The following CDKAL1 variants were observed in gnomAD, a reference collection of about 807,000 sequenced individuals.
CDKAL1 encodes CDKAL1 threonylcarbamoyladenosine tRNA methylthiotransferase.
Under a neutral mutation model 68.2 loss-of-function variants are expected in CDKAL1, and 32 were observed. That is an observed-to-expected ratio of 0.47 (90% CI 0.35 to 0.63). CDKAL1 has a LOEUF of 0.63. Among genes scored for constraint, CDKAL1 ranks in the 30% least tolerant of loss-of-function variants. The pLI, the probability that CDKAL1 is intolerant of heterozygous loss-of-function variation, is 0.00. For missense variants in CDKAL1, 606 were observed against 696.7 expected (o/e 0.87, Z 1.47); for synonymous variants, 234 against 244.3 (o/e 0.96, Z 0.39).
intron 4 of CDKAL1, among the ~76,000 whole-genome samples, chr6:20,592,255 A>C (rs6936705): frequency 0.82 from 124,185 of 152,132 alleles, 51,126 homozygotes; most frequent in African/African-American, 0.93. Context: ...TGCTTATCAG[A>C]TTAAGAAGTT....
intron 10 of CDKAL1, among the ~76,000 whole-genome samples, chr6:20,965,552 T>G (rs932874845): frequency 6.6e-6 from 1 of 152,226 alleles, no homozygotes; most frequent in Non-Finnish European, 1.5e-5. Flanking sequence ...TCTCTCACTC[T>G]AACATACTTG....
intron 4 of CDKAL1, among the ~76,000 whole-genome samples, chr6:20,592,837 G>A (rs1356490571): frequency 6.6e-6 from 1 of 152,074 alleles, no homozygotes; most frequent in Non-Finnish European, 1.5e-5. Flanking sequence ...TTTTGAGATA[G>A]GTTCCATCAA....
chr6:20,702,489 A>G (rs1490194352), intron 5 of CDKAL1, among the ~76,000 whole-genome samples: 1 of 152,144 alleles, frequency 6.6e-6, no homozygotes, highest in African/African-American at 2.4e-5. Context: ...GAGTGGAAGT[A>G]GCTTTCAGCA....
intron 13 of CDKAL1, among the ~76,000 whole-genome samples, chr6:21,191,197 A>G (rs908191140): frequency 1.3e-5 from 2 of 152,190 alleles, no homozygotes; most frequent in Admixed American, 6.5e-5. Flanking sequence ...GCCTTGTAGA[A>G]TATTGTTTGT....
intron 12 of CDKAL1, among the ~76,000 whole-genome samples, chr6:21,086,432 C>T (rs904967607): frequency 4.6e-5 from 7 of 152,136 alleles, no homozygotes; most frequent in African/African-American, 1.7e-4. Flanking sequence ...TTTTAACTGG[C>T]GCTACAACTT....
intron 7 of CDKAL1, among the ~76,000 whole-genome samples, chr6:20,775,306 T>C (rs763008185): frequency 3.9e-5 from 6 of 152,136 alleles, no homozygotes; most frequent in African/African-American, 7.2e-5. Context: ...TCACTCCCTT[T>C]TTCTTTTCTA....
At chr6:21,114,930 G>T (rs980886375) in intron 13 of CDKAL1, among the ~76,000 whole-genome samples, 2 of 152,012 alleles carry the variant, frequency 1.3e-5, no homozygotes, top group African/African-American at 4.8e-5. Flanking sequence ...ATATCTGCTA[G>T]TGTACAGGGA....
chr6:20,862,685 G>A (rs373708820), intron 9 of CDKAL1, among the ~76,000 whole-genome samples: 26 of 152,052 alleles, frequency 1.7e-4, no homozygotes, highest in East Asian at 5.8e-4. Context: ...GCGCGCGTGC[G>A]CATATACCCA....
chr6:21,124,959 A>G (rs1484731316), intron 13 of CDKAL1, among the ~76,000 whole-genome samples: 3 of 151,382 alleles, frequency 2.0e-5, no homozygotes, highest in African/African-American at 7.3e-5. Flanking sequence ...CTCATATTCC[A>G]TGCTTTCCCC....
At chr6:20,684,298 T>C (rs559580377) in intron 5 of CDKAL1, among the ~76,000 whole-genome samples, 4 of 152,224 alleles carry the variant, frequency 2.6e-5, no homozygotes, top group East Asian at 3.9e-4. Flanking sequence ...AAAAATTAGC[T>C]GGGCGTGGTG....
chr6:20,597,926 C>T (rs1036637143), intron 4 of CDKAL1, among the ~76,000 whole-genome samples: 1 of 152,082 alleles, frequency 6.6e-6, no homozygotes, highest in Non-Finnish European at 1.5e-5. Context: ...AATTGCAGAC[C>T]GTGAGAGAAA....
chr6:20,754,039 G>A (rs542997757), intron 6 of CDKAL1, among the ~76,000 whole-genome samples: 1 of 152,100 alleles, frequency 6.6e-6, no homozygotes, highest in South Asian at 2.1e-4. Flanking sequence ...GAGTCCAGTG[G>A]TGTGATCATA....
chr6:20,803,594 G>C (rs1207876505), intron 8 of CDKAL1, among the ~76,000 whole-genome samples: 2 of 152,148 alleles, frequency 1.3e-5, no homozygotes, highest in Non-Finnish European at 2.9e-5. Context: ...AATTCCAGGA[G>C]AGTTGTTTAG....
intron 5 of CDKAL1, among the ~76,000 whole-genome samples, chr6:20,685,256 G>A (rs1050739173): frequency 5.9e-5 from 9 of 152,070 alleles, no homozygotes; most frequent in South Asian, 2.1e-4. Context: ...TTTTGAAGAT[G>A]GTCTTTGTAC....
intron 8 of CDKAL1, among the ~76,000 whole-genome samples, chr6:20,800,369 A>G (rs190343701): frequency 1.9e-4 from 29 of 152,304 alleles, no homozygotes; most frequent in Non-Finnish European, 3.5e-4. Context: ...TATTCCAACT[A>G]AACTGTAGAA....
chr6:21,135,045 A>G (rs189592207), intron 13 of CDKAL1, among the ~76,000 whole-genome samples: 6 of 152,254 alleles, frequency 3.9e-5, no homozygotes, highest in Admixed American at 3.3e-4. Flanking sequence ...ATAGTCTATG[A>G]CCATGAACTA....
chr6:20,781,339 T>A, intron 8 of CDKAL1, 74 bp downstream of exon 8: 1 of 1,335,694 alleles, frequency 7.5e-7, no homozygotes, highest in Non-Finnish European at 1.0e-6. Context: ...CTTGGACATG[T>A]GACATAGAAA....
chr6:20,893,669 A>T (rs1255628932), intron 9 of CDKAL1, among the ~76,000 whole-genome samples: 3 of 152,184 alleles, frequency 2.0e-5, no homozygotes, highest in Non-Finnish European at 4.4e-5. Flanking sequence ...TATTTGCTAA[A>T]TCTGTGTGCC....
chr6:21,083,075 G>A (rs948559581), intron 12 of CDKAL1, among the ~76,000 whole-genome samples: 21 of 151,680 alleles, frequency 1.4e-4, no homozygotes, highest in African/African-American at 3.4e-4. Flanking sequence ...CATGTTGCCC[G>A]GAGTGGTCGC....
Sources: allele counts gnomAD v4.1 joint callset (sites outside exome capture counted in the v4.1 genomes callset), GRCh38; gene constraint gnomAD v4.1.1; transcripts MANE v1.5; gene names NCBI Gene and HGNC (gene_info 2026-07-23, HGNC 2026-07-21).